Variants in ENOX1 observed in about 807,000 individuals in gnomAD.
The protein encoded by ENOX1 is ecto-NOX disulfide-thiol exchanger 1.
A neutral mutation model predicts 82.5 loss-of-function variants in ENOX1; 42 were observed. The ratio of observed to expected loss-of-function variants is 0.51; its 90% CI spans 0.40 to 0.66. The LOEUF is 0.66. Ranked by LOEUF, ENOX1 falls within the 30% of genes least tolerant of loss-of-function variation. The probability of loss-of-function intolerance (pLI) is 0.00; values close to 1 mark genes in which losing one functional copy is unlikely to be tolerated. For synonymous variants in ENOX1, 271 were observed against 282.2 expected (o/e 0.96, Z 0.40); for missense variants, 608 against 811.6 (o/e 0.75, Z 3.05).
intron 3 of ENOX1, among the ~76,000 whole-genome samples, chr13:43,431,421 C>A (rs1161302404): frequency 1.3e-5 from 2 of 152,130 alleles, no homozygotes; most frequent in Non-Finnish European, 2.9e-5. Context: ...CATCCCTGAC[C>A]TCTACCTAAA....
chr13:43,620,831 G>A (rs1434954942), intron 2 of ENOX1, among the ~76,000 whole-genome samples: 1 of 152,124 alleles, frequency 6.6e-6, no homozygotes, highest in Non-Finnish European at 1.5e-5. Flanking sequence ...CCTGCCTAGT[G>A]CTGTCAGTGG....
chr13:43,463,071 ATCTC>A (rs1220684383), intron 3 of ENOX1, among the ~76,000 whole-genome samples: 5 of 152,178 alleles, frequency 3.3e-5, no homozygotes, highest in African/African-American at 9.7e-5. Flanking sequence ...TCCTGCCATT[ATCTC>A]TCTCTTTCTT....
intron 8 of ENOX1, among the ~76,000 whole-genome samples, chr13:43,349,623 T>C (rs2049637674): frequency 1.3e-5 from 2 of 152,208 alleles, no homozygotes; most frequent in African/African-American, 4.8e-5. Context: ...TGTGAGCTTG[T>C]TAAAAACACA....
At chr13:43,216,178 A>G (rs911924955) in intron 16 of ENOX1, among the ~76,000 whole-genome samples, 5 of 151,744 alleles carry the variant, frequency 3.3e-5, no homozygotes, top group African/African-American at 7.2e-5. Context: ...ATCCTGGGGG[A>G]CAGAGAGAGA....
intron 2 of ENOX1, among the ~76,000 whole-genome samples, chr13:43,625,299 T>C (rs2082915522): frequency 6.6e-6 from 1 of 151,926 alleles, no homozygotes. Context: ...TCATGCCATC[T>C]GCAGATAAAA....
At chr13:43,554,904 C>T (rs2079364765) in intron 2 of ENOX1, among the ~76,000 whole-genome samples, 1 of 152,100 alleles carries the variant, frequency 6.6e-6, no homozygotes, top group Admixed American at 6.5e-5. Flanking sequence ...TGACCCCTAG[C>T]CCAATATTCT....
At chr13:43,746,168 T>A (rs1157993307) in intron 1 of ENOX1, among the ~76,000 whole-genome samples, 1 of 152,238 alleles carries the variant, frequency 6.6e-6, no homozygotes, top group Non-Finnish European at 1.5e-5. Context: ...ACTATATTAA[T>A]ATATGTCAGT....
At chr13:43,651,622 A>T (rs894001257) in intron 2 of ENOX1, among the ~76,000 whole-genome samples, 3 of 149,640 alleles carry the variant, frequency 2.0e-5, no homozygotes, top group African/African-American at 7.3e-5. Flanking sequence ...GCTTGGACCC[A>T]GGATGCGGAG....
chr13:43,470,433 G>T (rs1292666763), intron 3 of ENOX1, among the ~76,000 whole-genome samples: 1 of 112,494 alleles, frequency 8.9e-6, no homozygotes, highest in African/African-American at 3.1e-5. Flanking sequence ...AGATAACCTT[G>T]TTTTAGACAG....
chr13:43,760,587 G>A (rs181857631), intron 1 of ENOX1, among the ~76,000 whole-genome samples: 1 of 152,104 alleles, frequency 6.6e-6, no homozygotes. Flanking sequence ...ATTAGCACTT[G>A]TCCACACTGC....
rs1468494188 is a variant in ENOX1, at chr13:43,594,278, A to C, written c.-219+73201T>G. ...ACCGAGGTCAAGTCATCCCTTCTTA[A>C]AAAACTGTTAGCTGGACTGTTCCTG... On this transcript the variant is annotated intron_variant, in intron 2 of 16. Coordinates refer to ENST00000690772, the MANE Select transcript of ENOX1 (RefSeq NM_001347969.2). Among the ~76,000 whole-genome samples the C allele has an allele frequency of 5.6e-3, 3 of 540 alleles. No individual in the cohort carries two copies. The East Asian group carries it at 0.38, about 67-fold the overall frequency. The allele number at this position is 540 out of a possible 152,430, so 0.4% of individuals were successfully genotyped here.
chr13:43,759,625 C>A (rs527967177), intron 1 of ENOX1, among the ~76,000 whole-genome samples: 1 of 152,274 alleles, frequency 6.6e-6, no homozygotes, highest in Non-Finnish European at 1.5e-5. Flanking sequence ...CAGAGGATGA[C>A]ACTCTAAACT....
intron 12 of ENOX1, among the ~76,000 whole-genome samples, chr13:43,289,170 T>C (rs1017454678): frequency 6.6e-6 from 1 of 152,180 alleles, no homozygotes; most frequent in African/African-American, 2.4e-5. Flanking sequence ...TTCACCACTA[T>C]TCCTATCAAA....
At chr13:43,585,859 G>A (rs1346022702) in intron 2 of ENOX1, among the ~76,000 whole-genome samples, 2 of 152,230 alleles carry the variant, frequency 1.3e-5, no homozygotes, top group African/African-American at 4.8e-5. Flanking sequence ...TTACAGGCGT[G>A]AGCCACTGCA....
chr13:43,220,324 C>T (rs117851292), intron 16 of ENOX1, among the ~76,000 whole-genome samples: 3,838 of 152,174 alleles, frequency 0.025, 68 homozygotes, highest in Non-Finnish European at 0.041. Flanking sequence ...TAAAGCATCC[C>T]AGAGGGAAGC....
At chr13:43,756,461 AGGAGGGGAGG>A (rs1198267415) in intron 1 of ENOX1, among the ~76,000 whole-genome samples, 6 of 86,404 alleles carry the variant, frequency 6.9e-5, no homozygotes, top group Admixed American at 3.0e-4. Flanking sequence ...AGGAGGGGTG[AGGAGGGGAGG>A]GGAGGGGAGG....
chr13:43,517,619 G>A (rs1169209057), intron 2 of ENOX1, among the ~76,000 whole-genome samples: 1 of 152,122 alleles, frequency 6.6e-6, no homozygotes, highest in African/African-American at 2.4e-5. Context: ...GTTCAGGAGT[G>A]AGTGCCCTCT....
At chr13:43,419,301 T>C (rs988202410) in intron 3 of ENOX1, among the ~76,000 whole-genome samples, 1 of 152,144 alleles carries the variant, frequency 6.6e-6, no homozygotes, top group African/African-American at 2.4e-5. Context: ...ATAATCCACT[T>C]TGGGAGACCA....
intron 1 of ENOX1, among the ~76,000 whole-genome samples, chr13:43,696,333 T>C (rs1485774988): frequency 6.6e-6 from 1 of 152,240 alleles, no homozygotes; most frequent in Non-Finnish European, 1.5e-5. Flanking sequence ...TACTGGGCCA[T>C]GTGGTAACTC....
Sources: allele counts gnomAD v4.1 joint callset (sites outside exome capture counted in the v4.1 genomes callset), GRCh38; gene constraint gnomAD v4.1.1; transcripts MANE v1.5; gene names NCBI Gene and HGNC (gene_info 2026-07-23, HGNC 2026-07-21).